Variants in AKAP7 observed in about 807,000 individuals in gnomAD.
The protein encoded by AKAP7 is A kinase (PRKA) anchor protein 7.
Under a neutral mutation model 39.5 loss-of-function variants are expected in AKAP7, and 39 were observed. The observed-to-expected ratio is 0.99, with a 90% CI of 0.76 to 1.29. AKAP7 has a LOEUF of 1.29. Ranked by LOEUF, AKAP7 falls within the 50% of genes most tolerant of loss-of-function variation. AKAP7 has a pLI of 0.00. For missense variants in AKAP7, 414 were observed against 407.7 expected, an observed-to-expected ratio of 1.02 and a Z score of -0.13; for synonymous variants, 140 against 139.1, an observed-to-expected ratio of 1.01 and a Z score of -0.05.
intron 7 of AKAP7, among the ~76,000 whole-genome samples, chr6:131,279,104 T>G (rs1299209431): frequency 1.3e-5 from 2 of 152,148 alleles, no homozygotes; most frequent in Non-Finnish European, 2.9e-5. Flanking sequence ...CCTGGCACAT[T>G]GAAGACGGGA....
rs1407329000 is a variant in AKAP7 at position 131,281,731 on chromosome 6, G to A, written c.*5G>A. 27 of 1,590,304 alleles carry A rather than the reference G, an allele frequency of 1.7e-5. No homozygotes were observed. In the East Asian group the frequency reaches 5.0e-4, roughly 29 times the overall value. ...AATGAGAACAACAGGAAATGAGCCC[G>A]GAACGCAGGCCCCCATGTCTCTGTG... On this transcript the variant is annotated 3_prime_UTR_variant, in exon 8 of 8. Transcript: ENST00000431975. This position sits in a 1 kb window ranked among gnomAD's most constrained non-coding sequence, Gnocchi z 4.0.
intron 7 of AKAP7, among the ~76,000 whole-genome samples, chr6:131,278,482 G>A (rs1814928495): frequency 6.6e-6 from 1 of 152,114 alleles, no homozygotes; most frequent in Non-Finnish European, 1.5e-5. Flanking sequence ...GTCCGTTCTT[G>A]CATTGCTGTA....
chr6:131,205,559 A>G (rs1808013490), intron 6 of AKAP7, among the ~76,000 whole-genome samples: 1 of 152,188 alleles, frequency 6.6e-6, no homozygotes, highest in Non-Finnish European at 1.5e-5. Flanking sequence ...CAAAATTTTG[A>G]AAATACAGAA....
rs1384566053 is a variant in AKAP7 at position 131,135,497 on chromosome 6, C to T, written c.-267C>T. Among the ~76,000 whole-genome samples, 1 of 151,508 alleles carries T rather than the reference C, an allele frequency of 6.6e-6. No homozygotes were observed. Among genetic ancestry groups the T allele is most frequent in the Admixed American group, 6.6e-5 (1 of 15,242 alleles). On this transcript the variant is annotated 5_prime_UTR_variant, in exon 1 of 8. Coordinates refer to ENST00000431975, the MANE Select transcript of AKAP7 (RefSeq NM_016377.4). Reference sequence around the variant, plus strand: ...TTGTTCCGGCGTCCGGCCTGGCATGCGGGTGCTGCGGCTGCTGCGGCTGCC... The same window carrying T: ...TTGTTCCGGCGTCCGGCCTGGCATGTGGGTGCTGCGGCTGCTGCGGCTGCC...
At chr6:131,272,580 TTC>T (rs1814380536) in intron 7 of AKAP7, among the ~76,000 whole-genome samples, 1 of 152,212 alleles carries the variant, frequency 6.6e-6, no homozygotes, top group Admixed American at 6.5e-5. Context: ...TAAAGGTATT[TTC>T]TAATTCCTCT....
rs548887587 is a variant in AKAP7 at position 131,247,343 on chromosome 6, C to A, written c.850+27535C>A. On this transcript the variant is annotated intron_variant, in intron 7 of 7. Transcript: ENST00000431975. ...TTTTTTTTCTTTTTTTTTTTTTTTC[C>A]GAGATGGAGTCTCTCTCTGTCACCC... Among the ~76,000 whole-genome samples the A allele has an allele frequency of 2.1e-3, 197 of 93,358 alleles. 3 individuals are homozygous for A. In the Middle Eastern group the frequency reaches 0.027, roughly 13 times the overall value. 61.2% of individuals were successfully genotyped at this position (93,358 alleles called of 152,430 possible). A position where few individuals can be genotyped will look rare whatever the true frequency, so the allele number is the denominator to read the frequency against.
In AKAP7 at chr6:131,282,117, T is replaced by C; in HGVS notation, c.*391T>C. 3.4e-6 allele frequency: 4 copies of C among 1,165,414 alleles called. No homozygotes were observed. Among genetic ancestry groups the C allele is most frequent in the Non-Finnish European group, 4.2e-6 (4 of 946,460 alleles). The allele number at this position is 1,165,414 out of a possible 1,614,324, so 72.2% of individuals were successfully genotyped here. On this transcript the variant is annotated 3_prime_UTR_variant, in exon 8 of 8. Coordinates refer to ENST00000431975, the MANE Select transcript of AKAP7 (RefSeq NM_016377.4). The stretch of plus-strand genomic sequence containing the variant: ...ACTACTTTATCTGAGGCCAGAACTC[T>C]CACACACAGCTATCAAGTGCTAAGT...
chr6:131,152,953 C>T (rs985453894), intron 2 of AKAP7, among the ~76,000 whole-genome samples: 1 of 151,458 alleles, frequency 6.6e-6, no homozygotes, highest in Non-Finnish European at 1.5e-5. Context: ...ACGGTGAAAC[C>T]CCGTCTCTAC....
At chr6:131,270,866 A>G (rs980133513) in intron 7 of AKAP7, among the ~76,000 whole-genome samples, 4 of 152,162 alleles carry the variant, frequency 2.6e-5, no homozygotes, top group Non-Finnish European at 5.9e-5. Context: ...CCATCTGTAT[A>G]TCTTATTTTG....
chr6:131,215,535 T>TA (rs1337073230), intron 6 of AKAP7, among the ~76,000 whole-genome samples: 1 of 152,108 alleles, frequency 6.6e-6, no homozygotes, highest in African/African-American at 2.4e-5. Context: ...GGCGAGGAGG[T>TA]AACCAAGTGT....
intron 7 of AKAP7, chr6:131,242,258 C>T: frequency 1.1e-6 from 1 of 927,156 alleles, no homozygotes; most frequent in Non-Finnish European, 1.3e-6. Context: ...TATTTGGTAC[C>T]AAAGAACCAT....
At chr6:131,212,219 A>G (rs187834749) in intron 6 of AKAP7, among the ~76,000 whole-genome samples, 1 of 152,362 alleles carries the variant, frequency 6.6e-6, no homozygotes, top group Admixed American at 6.5e-5. Context: ...GGGAAATTTC[A>G]CAATTAAATG....
At chr6:131,149,133 A>G (rs1801713611) in intron 2 of AKAP7, among the ~76,000 whole-genome samples, 2 of 152,214 alleles carry the variant, frequency 1.3e-5, no homozygotes, top group Non-Finnish European at 2.9e-5. Context: ...CGAATGTGGT[A>G]TCTTGATTAG....
chr6:131,160,017 G>C (rs772886201), intron 2 of AKAP7, 42 bp from the exon 3 acceptor site: 11 of 1,471,440 alleles, frequency 7.5e-6, no homozygotes, highest in Non-Finnish European at 1.0e-5. Flanking sequence ...TATTATCTTT[G>C]TTTAAATGTA....
intron 2 of AKAP7, among the ~76,000 whole-genome samples, chr6:131,153,149 G>C (rs1227920293): frequency 6.7e-6 from 1 of 148,994 alleles, no homozygotes; most frequent in Non-Finnish European, 1.5e-5. Flanking sequence ...AAAAAAGAGA[G>C]AGAGAGATTG....
intron 2 of AKAP7, among the ~76,000 whole-genome samples, chr6:131,151,300 C>T (rs1488918657): frequency 6.6e-6 from 1 of 151,596 alleles, no homozygotes; most frequent in East Asian, 2.0e-4. Flanking sequence ...GCCTCAGCCT[C>T]CCAAAGTGCT....
chr6:131,247,313 A>ATATATATATATAT (rs1812106698), intron 7 of AKAP7, among the ~76,000 whole-genome samples: 1 of 46,340 alleles, frequency 2.2e-5, no homozygotes, highest in Non-Finnish European at 4.0e-5. Flanking sequence ...ATATATATAT[A>ATATATATATATAT]TGTTTTTTTT....
intron 3 of AKAP7, 50 bp downstream of exon 3, chr6:131,160,248 A>G (rs1208303994): frequency 1.4e-6 from 2 of 1,471,950 alleles, no homozygotes; most frequent in Non-Finnish European, 1.8e-6. Context: ...TTCTAAATTT[A>G]AAGTACAACT....
chr6:131,137,754 A>G (rs1800688399), intron 1 of AKAP7: 1 of 152,206 alleles, frequency 6.6e-6, no homozygotes, highest in South Asian at 2.1e-4. Context: ...ATTTAAAGGT[A>G]TGGTTTTATA....
Sources: gnomAD v4.1 joint callset for allele counts (sites outside exome capture counted in the v4.1 genomes callset) on GRCh38, gnomAD v4.1.1 for gene constraint, Gnocchi (gnomAD v3.1) non-coding constraint, MANE v1.5 for transcripts, NCBI Gene and HGNC (gene_info 2026-07-23, HGNC 2026-07-21) for gene names.